The following ZNF592 variants were observed in gnomAD, a reference collection of about 807,000 sequenced individuals.
ZNF592 encodes the protein spinocerebellar ataxia, autosomal recessive 5.
ZNF592 carries 11 observed loss-of-function variants against 80.3 expected under a neutral mutation model. The ratio of observed to expected loss-of-function variants is 0.14; its 90% CI spans 0.09 to 0.23. The LOEUF is 0.23. Among genes scored for constraint, ZNF592 ranks in the 10% least tolerant of loss-of-function variants. The pLI, the probability that ZNF592 is intolerant of heterozygous loss-of-function variation, is 1.00. For synonymous variants in ZNF592, 646 were observed against 640.3 expected (o/e 1.01, Z -0.13); for missense variants, 1,420 against 1,633.9 (o/e 0.87, Z 2.26).
At chr15:84,793,748 C>T (rs1962815818) in intron 5 of ZNF592, among the ~76,000 whole-genome samples, 1 of 152,180 alleles carries the variant, frequency 6.6e-6, no homozygotes, top group African/African-American at 2.4e-5. Flanking sequence ...CATAGCTCTT[C>T]TGGACATGTC....
At position 84,783,826 on chromosome 15, in the gene ZNF592, C is replaced by G; in HGVS notation, c.1151C>G (p.Ser384Ter). 1.2e-6 allele frequency: 2 copies of G among 1,614,224 alleles called. No homozygotes were observed. Among genetic ancestry groups the G allele is most frequent in the Non-Finnish European group, 1.7e-6 (2 of 1,180,032 alleles). The change falls in exon 4 of 11, where the codon TCA becomes TGA. Residue 384 changes from serine (S) to a stop codon, truncating the protein, a stop_gained. Coordinates refer to ENST00000560079, the MANE Select transcript of ZNF592 (RefSeq NM_014630.3). LOFTEE classifies it high-confidence loss of function. This position sits in a 1 kb window ranked among gnomAD's most constrained non-coding sequence, Gnocchi z 5.0. Reference sequence around the variant, plus strand: ...AGAATCAAAACCATTAAGACATCATCAGGGGAAATCAAACGGACTGTCACA... The same window carrying G: ...AGAATCAAAACCATTAAGACATCATGAGGGGAAATCAAACGGACTGTCACA... ...KVRIKTIKTS[S>*]GEIKRTVTRI...
chr15:84,802,251 G>A lies in ZNF592; in HGVS notation c.3662G>A (p.Cys1221Tyr). 1 of 1,605,188 alleles carries A rather than the reference G, an allele frequency of 6.2e-7. No individual in the cohort carries two copies. Among genetic ancestry groups the A allele is most frequent in the Non-Finnish European group, 8.5e-7 (1 of 1,173,678 alleles). Reference sequence around the variant, plus strand: ...ACTAGAGAGAATGGACTGGAAGAATGTGCCGGTGAGCCTTTGTCAGCTGAC... The same window carrying A: ...ACTAGAGAGAATGGACTGGAAGAATATGCCGGTGAGCCTTTGTCAGCTGAC... ...METRENGLEE[C>Y]AGEPLSADPE... is the part of the protein sequence containing the mutation. Residue 1221 changes from cysteine (C) to tyrosine (Y), a missense_variant, in exon 11 of 11, where the codon TGT (cysteine) becomes TAT (tyrosine). Cys to Tyr is a radical substitution (Grantham distance 194). This residue lies in a region of ZNF592 where 145 missense variants were observed against 211.9 expected (regional missense o/e 0.68). Transcript: ENST00000560079.
At chr15:84,780,161 A>G (rs1216761898) in intron 3 of ZNF592, among the ~76,000 whole-genome samples, 1 of 151,720 alleles carries the variant, frequency 6.6e-6, no homozygotes, top group East Asian at 1.9e-4. Context: ...TAATTTTTGT[A>G]TTTTTAGTAG....
intron 2 of ZNF592, among the ~76,000 whole-genome samples, chr15:84,765,702 C>T (rs559031125): frequency 2.5e-4 from 38 of 151,794 alleles, no homozygotes; most frequent in Admixed American, 2.3e-3. Context: ...CCATGCCCAG[C>T]TAAATTTTAT....
Position 84,782,948 on chromosome 15 carries a change from A to G in ZNF592, c.273A>G (p.Leu91=). 6.2e-7 allele frequency: 1 copy of G among 1,614,188 alleles called. No individual in the cohort carries two copies. The highest frequency in any genetic ancestry group is 8.5e-7 in the Non-Finnish European group (1 of 1,180,036). ...AEKDHITPSL[L]HNGFRGSDLP... ...AAGACCACATTACTCCCAGTCTCCTACACAATGGATTCCGGGGCTCAGATC... is the reference window on the plus strand; with the variant it reads ...AAGACCACATTACTCCCAGTCTCCTGCACAATGGATTCCGGGGCTCAGATC... The change falls in exon 4 of 11, where the codon CTA becomes CTG. Residue 91 remains leucine, a synonymous_variant. Transcript: ENST00000560079.
At chr15:84,753,407 G>A (rs528974281) in intron 1 of ZNF592, 1 of 152,324 alleles carries the variant, frequency 6.6e-6, no homozygotes, top group South Asian at 2.1e-4. Flanking sequence ...ATTGGAGACA[G>A]AAAAGAAAAC....
At chr15:84,760,624 G>A (rs563752304) in intron 1 of ZNF592, among the ~76,000 whole-genome samples, 4 of 152,286 alleles carry the variant, frequency 2.6e-5, no homozygotes, top group South Asian at 4.1e-4. Context: ...AAGTACATGC[G>A]TGCATGTCTG....
At chr15:84,759,142 G>A (rs12899981) in intron 1 of ZNF592, among the ~76,000 whole-genome samples, 30,101 of 151,966 alleles carry the variant, frequency 0.2, 3,779 homozygotes, top group Middle Eastern at 0.36. Flanking sequence ...AGCAACTGTG[G>A]ACCCAATCCA....
In ZNF592 at chr15:84,805,953, A is replaced by G. The variant is rs1963225716; in HGVS notation, c.*3560A>G. 1 of 152,602 alleles carries G rather than the reference A, an allele frequency of 6.6e-6. No homozygotes were observed. The highest frequency in any genetic ancestry group is 2.1e-4 in the South Asian group (1 of 4,838). The allele number at this position is 152,602 out of a possible 1,614,324, so 9.5% of individuals were successfully genotyped here. A position where few individuals can be genotyped will look rare whatever the true frequency, so the allele number is the denominator to read the frequency against. ...ATGTATATTTATATATCTATTTTTA[A>G]TACAAATAGTAGAATTCTATACACA... On this transcript the variant is annotated 3_prime_UTR_variant, in exon 11 of 11. Transcript: ENST00000560079.
At chr15:84,779,758 C>T (rs1359311081) in intron 3 of ZNF592, among the ~76,000 whole-genome samples, 1 of 152,146 alleles carries the variant, frequency 6.6e-6, no homozygotes, top group Non-Finnish European at 1.5e-5. Flanking sequence ...TCTGACCATT[C>T]TCAGTCAATC....
At chr15:84,793,822 A>G (rs1962818033) in intron 5 of ZNF592, among the ~76,000 whole-genome samples, 1 of 152,228 alleles carries the variant, frequency 6.6e-6, no homozygotes, top group African/African-American at 2.4e-5. Context: ...TGTAGCATAT[A>G]TCAGTATTTC....
chr15:84,755,911 G>A (rs1367718126), intron 1 of ZNF592, among the ~76,000 whole-genome samples: 1 of 152,208 alleles, frequency 6.6e-6, no homozygotes, highest in African/African-American at 2.4e-5. Context: ...CAGAGAGGCA[G>A]GGCTGCACCT....
chr15:84,757,076 G>A (rs554599649), intron 1 of ZNF592, among the ~76,000 whole-genome samples: 9 of 152,106 alleles, frequency 5.9e-5, no homozygotes, highest in African/African-American at 2.2e-4. Context: ...TTACGCCAGT[G>A]TACTCTGGCA....
intron 5 of ZNF592, among the ~76,000 whole-genome samples, chr15:84,793,453 G>T (rs1309754794): frequency 2.6e-5 from 4 of 152,178 alleles, no homozygotes; most frequent in African/African-American, 9.7e-5. Flanking sequence ...CAAGTAAAAA[G>T]AAATGTCTCA....
chr15:84,791,513 A>G (rs1962748827), intron 5 of ZNF592, among the ~76,000 whole-genome samples: 1 of 152,124 alleles, frequency 6.6e-6, no homozygotes, highest in Non-Finnish European at 1.5e-5. Context: ...TCTAGAGCTC[A>G]TTGATCTGTA....
chr15:84,790,653 G>A (rs1962720121), intron 4 of ZNF592, 52 bp from the exon 5 acceptor site: 1 of 1,593,084 alleles, frequency 6.3e-7, no homozygotes, highest in Non-Finnish European at 8.6e-7. Context: ...TGATTGGAGA[G>A]CCACAGGCCT....
At chr15:84,800,520 A>C (rs1963061768) in intron 10 of ZNF592, among the ~76,000 whole-genome samples, 1 of 152,014 alleles carries the variant, frequency 6.6e-6, no homozygotes, top group African/African-American at 2.4e-5. Context: ...TCTCCATACC[A>C]TGGTAGGGGG....
chr15:84,759,206 C>T (rs1899271790), intron 1 of ZNF592, among the ~76,000 whole-genome samples: 1 of 152,154 alleles, frequency 6.6e-6, no homozygotes, highest in Admixed American at 6.6e-5. Context: ...CTTCGCCCTC[C>T]AGGATTTCCC....
Position 84,797,932 on chromosome 15 carries a change from A to G in ZNF592, c.2463A>G (p.Arg821=). The change falls in exon 6 of 11, where the codon CGA becomes CGG. Residue 821 remains arginine, a synonymous_variant. Coordinates refer to ENST00000560079, the MANE Select transcript of ZNF592 (RefSeq NM_014630.3). ...TGCTGAAAAGCCACATCCAGGAGCG[A>G]CACTGCCAGGTTTTCCACAAATGTG... is the stretch of plus-strand genomic sequence containing the variant. The part of the protein sequence containing the change: ...LALLKSHIQE[R]HCQVFHKCAF... 6.2e-7 allele frequency: 1 copy of G among 1,614,228 alleles called. No homozygotes were observed. The highest frequency in any genetic ancestry group is 8.5e-7 in the Non-Finnish European group (1 of 1,180,044).
Sources: gnomAD v4.1 joint callset for allele counts (sites outside exome capture counted in the v4.1 genomes callset) on GRCh38, gnomAD v4.1.1 for gene constraint, gnomAD v4.1.1 regional missense constraint, Gnocchi (gnomAD v3.1) non-coding constraint, MANE v1.5 for transcripts, NCBI Gene and HGNC (gene_info 2026-07-23, HGNC 2026-07-21) for gene names.